The following CYP39A1 variants were observed in gnomAD, a reference collection of about 807,000 sequenced individuals.
CYP39A1 encodes the protein 24-hydroxycholesterol 7-alpha-hydroxylase.
In CYP39A1, 49 loss-of-function variants were observed where a neutral mutation model predicts 58.1. That is an observed-to-expected ratio of 0.84 (90% CI 0.67 to 1.07). The LOEUF is 1.07. Among genes scored for constraint, CYP39A1 ranks in the 50% least tolerant of loss-of-function variants. CYP39A1 has a pLI of 0.00. For missense variants in CYP39A1, 531 were observed against 539.4 expected (o/e 0.98, Z 0.16); for synonymous variants, 209 against 187.6 (o/e 1.11, Z -0.93).
chr6:46,632,223 GA>G (rs1245063089), intron 5 of CYP39A1, among the ~76,000 whole-genome samples: 1 of 151,744 alleles, frequency 6.6e-6, no homozygotes, highest in Admixed American at 6.6e-5. Flanking sequence ...ATTTTTAAAG[GA>G]AAAAATGAGA....
intron 11 of CYP39A1, among the ~76,000 whole-genome samples, chr6:46,551,363 TA>T (rs1326151711): frequency 8.7e-5 from 7 of 80,888 alleles, no homozygotes; most frequent in South Asian, 3.6e-4. Context: ...ACCCCAAAAG[TA>T]AAATGAAAAA....
rs557103227 is a variant in CYP39A1, at chr6:46,565,521, A to T, written c.1251-11667T>A. Among the ~76,000 whole-genome samples the T allele has an allele frequency of 2.7e-3, 406 of 152,210 alleles. 2 individuals carry two copies. Among genetic ancestry groups the T allele is most frequent in the Non-Finnish European group, 4.5e-3 (304 of 68,014 alleles). ...GAAGAAAATGGGAAATAAATAAAAT[A>T]AAAAAAGGAGATGAGAAAGTGTAAA... On this transcript the variant is annotated intron_variant, in intron 10 of 11. Transcript: ENST00000275016.
At chr6:46,586,356 T>C (rs1353095691) in intron 10 of CYP39A1, 1 of 984,454 alleles carries the variant, frequency 1.0e-6, no homozygotes, top group African/African-American at 1.7e-5. Context: ...CCCTACAGAA[T>C]CATCCCCAAT....
chr6:46,562,596 C>G (rs984247928), intron 10 of CYP39A1, among the ~76,000 whole-genome samples: 1 of 151,470 alleles, frequency 6.6e-6, no homozygotes, highest in East Asian at 1.9e-4. Context: ...GGTGAAACCT[C>G]CTCTCCATTA....
intron 9 of CYP39A1, 108 bp from the exon 10 acceptor site, chr6:46,587,273 G>GT: frequency 1.3e-6 from 1 of 742,330 alleles, no homozygotes. Flanking sequence ...TGCATATAAA[G>GT]TTGCAGGGTT....
chr6:46,648,784 G>T (rs1214285985), intron 1 of CYP39A1, among the ~76,000 whole-genome samples: 1 of 151,796 alleles, frequency 6.6e-6, no homozygotes, highest in African/African-American at 2.4e-5. Context: ...CAGATTGTTT[G>T]ATGTATATTA....
At chr6:46,640,144 T>C (rs1776241712) in intron 2 of CYP39A1, among the ~76,000 whole-genome samples, 1 of 152,154 alleles carries the variant, frequency 6.6e-6, no homozygotes, top group African/African-American at 2.4e-5. Context: ...CAACGTATTC[T>C]GTGAGATGAT....
chr6:46,579,145 A>G (rs1421425581), intron 10 of CYP39A1, among the ~76,000 whole-genome samples: 1 of 152,168 alleles, frequency 6.6e-6, no homozygotes, highest in Non-Finnish European at 1.5e-5. Context: ...AGTCTACTTT[A>G]GAGTAAATAA....
At chr6:46,612,558 G>A (rs1429868556) in intron 7 of CYP39A1, among the ~76,000 whole-genome samples, 2 of 152,056 alleles carry the variant, frequency 1.3e-5, no homozygotes, top group Admixed American at 1.3e-4. Flanking sequence ...CAATTTCCTG[G>A]GTCCATTCTT....
At chr6:46,568,668 T>C (rs1771420742) in intron 10 of CYP39A1, among the ~76,000 whole-genome samples, 1 of 152,140 alleles carries the variant, frequency 6.6e-6, no homozygotes, top group Non-Finnish European at 1.5e-5. Context: ...TGGAATGGTC[T>C]TAGTATCTTG....
At chr6:46,581,946 T>C (rs545325958) in intron 10 of CYP39A1, among the ~76,000 whole-genome samples, 14 of 152,260 alleles carry the variant, frequency 9.2e-5, no homozygotes, top group Middle Eastern at 3.4e-3. Flanking sequence ...GAGTGACTCA[T>C]TGCTCCTTTG....
At chr6:46,637,292 T>A (rs1776047372) in intron 4 of CYP39A1, among the ~76,000 whole-genome samples, 1 of 152,246 alleles carries the variant, frequency 6.6e-6, no homozygotes, top group Non-Finnish European at 1.5e-5. Context: ...TTCTGTTGTT[T>A]ATAAGCCTCC....
At chr6:46,629,317 T>A (rs1775509597) in intron 6 of CYP39A1, among the ~76,000 whole-genome samples, 1 of 152,232 alleles carries the variant, frequency 6.6e-6, no homozygotes, top group African/African-American at 2.4e-5. Flanking sequence ...TCTAACAAGA[T>A]ATTGAAAAAT....
intron 10 of CYP39A1, among the ~76,000 whole-genome samples, chr6:46,569,031 T>C (rs1771443422): frequency 6.6e-6 from 1 of 152,170 alleles, no homozygotes; most frequent in South Asian, 2.1e-4. Context: ...GATATGTATC[T>C]ATTTATCTAT....
rs1472584608 is a variant in CYP39A1 at position 46,568,728 on chromosome 6, A to T, written c.1251-14874T>A. ...TCCAGGGTCTATTTCTGGGCTCTCT[A>T]TTCTATTGTATTGGTCTACATGTCT... On this transcript the variant is annotated intron_variant, in intron 10 of 11. Transcript: ENST00000275016. 2.6e-5 allele frequency among the ~76,000 whole-genome samples: 4 copies of T among 151,936 alleles called. 1 individual carries two copies. Among genetic ancestry groups the T allele is most frequent in the Admixed American group, 2.6e-4 (4 of 15,228 alleles).
intron 7 of CYP39A1, among the ~76,000 whole-genome samples, chr6:46,616,197 TCCCTCCCTCCC>T (rs1774574638): frequency 2.3e-3 from 3 of 1,288 alleles, no homozygotes; most frequent in East Asian, 0.042. Context: ...CTTCTTTCCC[TCCCTCCCTCCC>T]TCCCTCCCTC....
At chr6:46,606,865 G>T (rs1773880951) in intron 7 of CYP39A1, among the ~76,000 whole-genome samples, 1 of 152,136 alleles carries the variant, frequency 6.6e-6, no homozygotes. Context: ...TTCACTCAAT[G>T]TAAATTTGCT....
rs558185583 is a variant in CYP39A1 at position 46,598,644 on chromosome 6, A to G, written c.932-2524T>C. 4.6e-5 allele frequency among the ~76,000 whole-genome samples: 7 copies of G among 152,344 alleles called. No homozygotes were observed. The South Asian group carries it at 1.4e-3, about 32-fold the overall frequency. On this transcript the variant is annotated intron_variant, in intron 7 of 11. Coordinates refer to ENST00000275016, the MANE Select transcript of CYP39A1 (RefSeq NM_016593.5). ...GGCTGAGATTTTGCATATGTAACAG[A>G]TATCATTGCTAAATCAAATAGACAA... is the stretch of plus-strand genomic sequence containing the variant.
chr6:46,637,985 A>C lies in CYP39A1; in HGVS notation c.489-7T>G, dbSNP rs113674932. ...GACTGGATAAAGGAGATGTCTACAA[A>C]GACAGAAACACACAAAAAGTCAGAC... On this transcript the variant is annotated splice_region_variant and splice_polypyrimidine_tract_variant and intron_variant, in intron 3 of 11. Transcript: ENST00000275016. The C allele has an allele frequency of 6.3e-7, 1 of 1,588,006 alleles. No individual in the cohort carries two copies. The highest frequency in any genetic ancestry group is 8.5e-7 in the Non-Finnish European group (1 of 1,173,128).
Sources: allele counts gnomAD v4.1 joint callset (sites outside exome capture counted in the v4.1 genomes callset), GRCh38; gene constraint gnomAD v4.1.1; transcripts MANE v1.5; gene names NCBI Gene and HGNC (gene_info 2026-07-23, HGNC 2026-07-21).